GALNT13: variants seen among roughly 807,000 people sequenced by gnomAD.
The protein encoded by GALNT13 is polypeptide N-acetylgalactosaminyltransferase 13.
In GALNT13, 28 loss-of-function variants were observed where a neutral mutation model predicts 64.2. The observed-to-expected ratio is 0.44, with a 90% CI of 0.32 to 0.60. GALNT13 has a LOEUF of 0.60. GALNT13 is among the 20% of genes least tolerant of loss of function. The pLI is 0.05. For synonymous variants in GALNT13, 214 were observed against 224.6 expected, an observed-to-expected ratio of 0.95 and a Z score of 0.42; for missense variants, 577 against 669.8, an observed-to-expected ratio of 0.86 and a Z score of 1.53.
At chr2:154,409,888 T>C (rs1037425028) in intron 11 of GALNT13, among the ~76,000 whole-genome samples, 8 of 151,970 alleles carry the variant, frequency 5.3e-5, no homozygotes, top group Admixed American at 1.3e-4. Flanking sequence ...TGTGTCAAGA[T>C]TTATTACAAA....
At chr2:153,724,662 T>G in the GALNT13 span, among the ~76,000 whole-genome samples, 1 of 122,868 alleles carries the variant, frequency 8.1e-6, no homozygotes, top group Non-Finnish European at 1.6e-5. Context: ...AACAGACACT[T>G]CTCAAAAGAA....
chr2:153,129,746 G>C, the GALNT13 span, among the ~76,000 whole-genome samples: 1,056 of 151,806 alleles, frequency 7.0e-3, 10 homozygotes, highest in Non-Finnish European at 0.012. Context: ...CTCCAGCCTG[G>C]TGACAGAGTG....
At chr2:153,854,788 T>G in the GALNT13 span, among the ~76,000 whole-genome samples, 1 of 152,182 alleles carries the variant, frequency 6.6e-6, no homozygotes, top group African/African-American at 2.4e-5. Context: ...AGCAAATTTT[T>G]TGGTGGAAAC....
At chr2:153,131,444 T>C in the GALNT13 span, among the ~76,000 whole-genome samples, 2 of 151,876 alleles carry the variant, frequency 1.3e-5, no homozygotes, top group South Asian at 4.2e-4. Context: ...GTGAGTTAAG[T>C]TATATTCAAG....
chr2:154,110,340 G>T (rs866228063), intron 3 of GALNT13, among the ~76,000 whole-genome samples: 4 of 49,328 alleles, frequency 8.1e-5, no homozygotes, highest in Non-Finnish European at 1.4e-4. Flanking sequence ...TATATATAGA[G>T]AGAGAGAGAG....
the GALNT13 span, among the ~76,000 whole-genome samples, chr2:153,117,403 A>G: frequency 6.6e-6 from 1 of 152,234 alleles, no homozygotes; most frequent in Non-Finnish European, 1.5e-5. Context: ...TGTCAAATAT[A>G]GAGTGGGTAT....
chr2:154,424,144 AAGG>A (rs1657037882), intron 11 of GALNT13, among the ~76,000 whole-genome samples: 1 of 152,198 alleles, frequency 6.6e-6, no homozygotes, highest in Non-Finnish European at 1.5e-5. Flanking sequence ...TCTTGGAAAA[AAGG>A]AGCATGGATT....
intron 8 of GALNT13, among the ~76,000 whole-genome samples, chr2:154,293,038 C>T (rs1434008618): frequency 6.6e-6 from 1 of 152,104 alleles, no homozygotes; most frequent in Non-Finnish European, 1.5e-5. Flanking sequence ...ATAAAAATAT[C>T]TGAGAACAAA....
the GALNT13 span, among the ~76,000 whole-genome samples, chr2:153,152,088 T>A: frequency 6.6e-6 from 1 of 152,000 alleles, no homozygotes; most frequent in Non-Finnish European, 1.5e-5. Flanking sequence ...TGGGGAGAGC[T>A]AGTACTAAAC....
the GALNT13 span, among the ~76,000 whole-genome samples, chr2:153,474,997 A>G: frequency 6.6e-6 from 1 of 152,234 alleles, no homozygotes; most frequent in African/African-American, 2.4e-5. Context: ...TCTCTGGGAA[A>G]GGACCGACAC....
intron 9 of GALNT13, among the ~76,000 whole-genome samples, chr2:154,309,654 G>T (rs997770883): frequency 6.6e-6 from 1 of 152,162 alleles, no homozygotes; most frequent in Non-Finnish European, 1.5e-5. Context: ...ATTCATGAGA[G>T]ATCCACTCCC....
chr2:153,726,602 C>T, the GALNT13 span, among the ~76,000 whole-genome samples: 65 of 152,152 alleles, frequency 4.3e-4, no homozygotes, highest in African/African-American at 1.3e-3. Context: ...AAGATATGTA[C>T]GAATAAACCA....
chr2:154,246,001 T>G lies in GALNT13; in HGVS notation c.857+19T>G. ...CTGTCAGGTATGTAGATCATATCTC[T>G]TGAAGATTATGTATATCCCCCTAAA... On this transcript the variant is annotated intron_variant, in intron 7 of 12. Transcript: ENST00000392825. The G allele has an allele frequency of 1.9e-6, 3 of 1,564,396 alleles. No homozygotes were observed. The highest frequency in any genetic ancestry group is 2.6e-6 in the Non-Finnish European group (3 of 1,138,646).
At chr2:153,544,813 T>C in the GALNT13 span, among the ~76,000 whole-genome samples, 2 of 152,240 alleles carry the variant, frequency 1.3e-5, no homozygotes, top group Admixed American at 6.5e-5. Context: ...GGTCAGCAAT[T>C]GTTACCTCTT....
chr2:153,130,553 C>T, the GALNT13 span, among the ~76,000 whole-genome samples: 1 of 151,908 alleles, frequency 6.6e-6, no homozygotes, highest in Non-Finnish European at 1.5e-5. Context: ...CCCTTCTTAT[C>T]CTTTTATCCA....
At chr2:153,833,663 CATGCACT>C in the GALNT13 span, among the ~76,000 whole-genome samples, 1 of 152,228 alleles carries the variant, frequency 6.6e-6, no homozygotes, top group East Asian at 1.9e-4. Context: ...TGTTCTTAGG[CATGCACT>C]AGGCGTCTTG....
chr2:153,390,154 T>C, the GALNT13 span, among the ~76,000 whole-genome samples: 1 of 152,056 alleles, frequency 6.6e-6, no homozygotes, highest in Non-Finnish European at 1.5e-5. Context: ...AGTTCATGTC[T>C]TTTGCAGGGA....
chr2:153,399,548 A>C, the GALNT13 span, among the ~76,000 whole-genome samples: 1 of 151,998 alleles, frequency 6.6e-6, no homozygotes, highest in African/African-American at 2.4e-5. Context: ...GATTCTTCCT[A>C]CCCATGAGCA....
Position 154,099,259 on chromosome 2 carries a change from G to A in GALNT13, c.143-41078G>A, listed in dbSNP as rs551066178. 1.4e-4 allele frequency among the ~76,000 whole-genome samples: 22 copies of A among 152,138 alleles called. No individual in the cohort carries two copies. In the East Asian group the frequency reaches 3.3e-3, roughly 23 times the overall value. The stretch of plus-strand genomic sequence containing the variant: ...TTATGTTCTTTGCCTACTTGTTAAC[G>A]GGATTATTTGTTTTTTCTTGTTGAG... On this transcript the variant is annotated intron_variant, in intron 3 of 12. Coordinates refer to ENST00000392825, the MANE Select transcript of GALNT13 (RefSeq NM_052917.4).
Sources: allele counts gnomAD v4.1 joint callset (sites outside exome capture counted in the v4.1 genomes callset), GRCh38; gene constraint gnomAD v4.1.1; transcripts MANE v1.5; gene names NCBI Gene and HGNC (gene_info 2026-07-23, HGNC 2026-07-21).